Variants in SLC35F1 observed in about 807,000 individuals in gnomAD.
SLC35F1 encodes the protein solute carrier family 35 member F1.
In SLC35F1, 14 loss-of-function variants were observed where a neutral mutation model predicts 48.7. The ratio of observed to expected loss-of-function variants is 0.29; its 90% confidence interval spans 0.19 to 0.45. The LOEUF (loss-of-function observed/expected upper bound fraction) is 0.45. SLC35F1 is among the 20% of genes least tolerant of loss of function. The probability of loss-of-function intolerance (pLI) is 1.00; values close to 1 mark genes in which losing one functional copy is unlikely to be tolerated. For missense variants in SLC35F1, 404 were observed against 500.0 expected, an observed-to-expected ratio of 0.81 and a Z score of 1.83; for synonymous variants, 190 against 202.2, an observed-to-expected ratio of 0.94 and a Z score of 0.51.
intron 1 of SLC35F1, among the ~76,000 whole-genome samples, chr6:118,070,590 C>T (rs1470933746): frequency 6.6e-6 from 1 of 151,828 alleles, no homozygotes; most frequent in African/African-American, 2.4e-5. Flanking sequence ...CACATCCTAC[C>T]CAGCAGCACC....
intron 7 of SLC35F1, among the ~76,000 whole-genome samples, chr6:118,312,702 C>T (rs572462946): frequency 1.3e-5 from 2 of 152,216 alleles, no homozygotes; most frequent in Admixed American, 6.5e-5. Context: ...GACGTTTAGC[C>T]GCAGGGATAC....
At chr6:117,985,730 A>C (rs956412304) in intron 1 of SLC35F1, among the ~76,000 whole-genome samples, 10 of 152,248 alleles carry the variant, frequency 6.6e-5, no homozygotes, top group African/African-American at 2.4e-4. Context: ...TCTTTCAATT[A>C]GTGAAGACAG....
intron 1 of SLC35F1, among the ~76,000 whole-genome samples, chr6:117,936,270 G>A (rs2114816102): frequency 6.6e-6 from 1 of 152,318 alleles, no homozygotes; most frequent in East Asian, 1.9e-4. Context: ...TCCCTCCAAA[G>A]TCTACTGTCC....
At chr6:118,293,898 T>C (rs1388888920) in intron 7 of SLC35F1, among the ~76,000 whole-genome samples, 1 of 152,222 alleles carries the variant, frequency 6.6e-6, no homozygotes, top group African/African-American at 2.4e-5. Flanking sequence ...TTAAGCAGCA[T>C]GGTGTGTCCG....
chr6:117,982,512 T>G (rs1441310352), intron 1 of SLC35F1, among the ~76,000 whole-genome samples: 1 of 152,224 alleles, frequency 6.6e-6, no homozygotes, highest in Non-Finnish European at 1.5e-5. Flanking sequence ...TATTTTAATT[T>G]TCCTTGACAA....
At chr6:118,143,978 A>G (rs1773932204) in intron 1 of SLC35F1, among the ~76,000 whole-genome samples, 1 of 152,172 alleles carries the variant, frequency 6.6e-6, no homozygotes, top group African/African-American at 2.4e-5. Flanking sequence ...CTTACCAACC[A>G]AGCTAGTGAT....
chr6:118,176,075 A>G (rs932970337), intron 2 of SLC35F1, among the ~76,000 whole-genome samples: 1 of 152,088 alleles, frequency 6.6e-6, no homozygotes, highest in African/African-American at 2.4e-5. Context: ...TGACCATTAA[A>G]TGTCATCCTG....
chr6:118,106,731 C>G (rs1053951964), intron 1 of SLC35F1, among the ~76,000 whole-genome samples: 14 of 152,178 alleles, frequency 9.2e-5, no homozygotes, highest in African/African-American at 3.4e-4. Context: ...AAACTTCATG[C>G]CCTTTCTGTA....
At chr6:118,305,672 A>G (rs1047749120) in intron 7 of SLC35F1, among the ~76,000 whole-genome samples, 1 of 152,224 alleles carries the variant, frequency 6.6e-6, no homozygotes, top group Non-Finnish European at 1.5e-5. Flanking sequence ...ATATTATGAT[A>G]TAAAGTCAAT....
chr6:118,040,960 A>G (rs565292878), intron 1 of SLC35F1, among the ~76,000 whole-genome samples: 4 of 152,120 alleles, frequency 2.6e-5, no homozygotes, highest in African/African-American at 9.6e-5. Context: ...TTAAAATTAC[A>G]CTTATTTTGG....
At chr6:118,237,966 C>A (rs1037956869) in intron 3 of SLC35F1, among the ~76,000 whole-genome samples, 1 of 152,138 alleles carries the variant, frequency 6.6e-6, no homozygotes, top group Non-Finnish European at 1.5e-5. Flanking sequence ...TATCAACATT[C>A]ATTATTCAGT....
At chr6:118,249,623 G>A (rs1221381074) in intron 3 of SLC35F1, among the ~76,000 whole-genome samples, 1 of 152,178 alleles carries the variant, frequency 6.6e-6, no homozygotes, top group African/African-American at 2.4e-5. Flanking sequence ...ATCAATAAAA[G>A]GCTTCGAGCT....
Position 117,923,732 on chromosome 6 carries a change from T to TAC in SLC35F1, c.173+15834_173+15835insCA, listed in dbSNP as rs1491352187. On this transcript the variant is annotated intron_variant, in intron 1 of 7. Transcript: ENST00000360388. Reference sequence around the variant, plus strand: ...GTACATATATACATATATACATATGTATATATACATATATGTACATATATA... The same window carrying TAC: ...GTACATATATACATATATACATATGTACATATATACATATATGTACATATATA... Among the ~76,000 whole-genome samples, 12 of 87,306 alleles carry TAC rather than the reference T, an allele frequency of 1.4e-4. 1 individual carries two copies. Among genetic ancestry groups the TAC allele is most frequent in the African/African-American group, 4.8e-4 (12 of 24,882 alleles). The allele number at this position is 87,306 out of a possible 152,430, so 57.3% of individuals were successfully genotyped here.
chr6:118,217,517 G>T lies in SLC35F1; in HGVS notation c.350-17992G>T, dbSNP rs1372612755. ...TTAATGGGTACAGAGTTTTAGAATG[G>T]GGTCATGAAAAGCTCTGAAGATGGT... On this transcript the variant is annotated intron_variant, in intron 2 of 7. Coordinates refer to ENST00000360388, the MANE Select transcript of SLC35F1 (RefSeq NM_001029858.4). Among the ~76,000 whole-genome samples the T allele has an allele frequency of 3.3e-5, 5 of 152,182 alleles. No individual in the cohort carries two copies. The South Asian group carries it at 6.2e-4, about 19-fold the overall frequency.
At chr6:118,029,153 C>T (rs1158797337) in intron 1 of SLC35F1, among the ~76,000 whole-genome samples, 1 of 151,940 alleles carries the variant, frequency 6.6e-6, no homozygotes, top group Non-Finnish European at 1.5e-5. Flanking sequence ...CCTCATTATC[C>T]TCTAGATGTA....
chr6:117,974,990 AG>A (rs1442399270), intron 1 of SLC35F1, among the ~76,000 whole-genome samples: 1 of 152,234 alleles, frequency 6.6e-6, no homozygotes, highest in African/African-American at 2.4e-5. Context: ...TGATTATGAA[AG>A]TAGTTTTGAA....
At chr6:118,054,233 A>C (rs1772431449) in intron 1 of SLC35F1, among the ~76,000 whole-genome samples, 1 of 152,228 alleles carries the variant, frequency 6.6e-6, no homozygotes, top group African/African-American at 2.4e-5. Context: ...TTTGGGCAGA[A>C]GAAGCACTTT....
intron 1 of SLC35F1, among the ~76,000 whole-genome samples, chr6:118,031,890 A>G (rs970477766): frequency 6.6e-6 from 1 of 152,126 alleles, no homozygotes; most frequent in Non-Finnish European, 1.5e-5. Flanking sequence ...GTAAACTGAC[A>G]TGGCACACTG....
intron 2 of SLC35F1, among the ~76,000 whole-genome samples, chr6:118,205,491 A>G (rs1421335700): frequency 1.3e-5 from 2 of 152,218 alleles, no homozygotes; most frequent in Non-Finnish European, 2.9e-5. Context: ...TAATACAAAC[A>G]AAAACCAGAA....
Sources: gnomAD v4.1 joint callset for allele counts (sites outside exome capture counted in the v4.1 genomes callset) on GRCh38, gnomAD v4.1.1 for gene constraint, MANE v1.5 for transcripts, NCBI Gene and HGNC (gene_info 2026-07-23, HGNC 2026-07-21) for gene names.